The following GLIPR2 variants were observed in gnomAD, a reference collection of about 807,000 sequenced individuals.
GLIPR2 encodes the protein GLI pathogenesis related 2.
GLIPR2 carries 21 observed loss-of-function variants against 20.4 expected under a neutral mutation model. That is an observed-to-expected ratio of 1.03 (90% CI 0.73 to 1.48). GLIPR2 has a LOEUF of 1.48. Ranked by LOEUF, GLIPR2 falls within the 40% of genes most tolerant of loss-of-function variation. The pLI, the probability that GLIPR2 is intolerant of heterozygous loss-of-function variation, is 0.00. For synonymous variants in GLIPR2, 91 were observed against 80.5 expected (o/e 1.13, Z -0.70); for missense variants, 205 against 200.1 (o/e 1.02, Z -0.15).
intron 1 of GLIPR2, among the ~76,000 whole-genome samples, chr9:36,143,811 C>T (rs1458772354): frequency 6.6e-6 from 1 of 152,278 alleles, no homozygotes; most frequent in East Asian, 1.9e-4. Context: ...TGAGGTAGCT[C>T]CTTTTGGTCG....
intron 4 of GLIPR2, chr9:36,162,128 T>C: frequency 1.1e-6 from 1 of 941,062 alleles, no homozygotes; most frequent in Non-Finnish European, 1.5e-6. Context: ...TGAGCCAAGA[T>C]CATGCCACTG....
intron 1 of GLIPR2, among the ~76,000 whole-genome samples, chr9:36,140,178 G>A (rs1049794918): frequency 6.6e-6 from 1 of 152,126 alleles, no homozygotes; most frequent in East Asian, 1.9e-4. Context: ...CTCCCTGCCA[G>A]CCTGAACTCT....
chr9:36,140,900 C>T (rs563556624), intron 1 of GLIPR2, among the ~76,000 whole-genome samples: 80 of 152,190 alleles, frequency 5.3e-4, no homozygotes, highest in African/African-American at 1.9e-3. Flanking sequence ...GAGTGAGAAC[C>T]TCATTCATTT....
At chr9:36,138,382 G>A (rs887242784) in intron 1 of GLIPR2, among the ~76,000 whole-genome samples, 14 of 151,976 alleles carry the variant, frequency 9.2e-5, no homozygotes, top group Non-Finnish European at 1.3e-4. Flanking sequence ...GCGCCACCAC[G>A]CCCAGCTAAC....
rs1426729911 is a variant in GLIPR2 at position 36,136,936 on chromosome 9, G to A, written c.13+145G>A. On this transcript the variant is annotated intron_variant, in intron 1 of 4. Transcript: ENST00000377960. This position sits in a 1 kb window ranked among gnomAD's most constrained non-coding sequence, Gnocchi z 4.3. ...GGAGGGCGCGCGGGCGGAGCGCCCC[G>A]GCGCGGTTTCCGGGGAACCCGGGGG... The A allele has an allele frequency of 6.9e-6, 7 of 1,007,772 alleles. No individual in the cohort carries two copies. The African/African-American group carries it at 8.3e-5, about 12-fold the overall frequency. The allele number at this position is 1,007,772 out of a possible 1,614,324, so 62.4% of individuals were successfully genotyped here.
chr9:36,143,455 G>A (rs1388138654), intron 1 of GLIPR2, among the ~76,000 whole-genome samples: 1 of 152,168 alleles, frequency 6.6e-6, no homozygotes, highest in African/African-American at 2.4e-5. Context: ...GACCCACCGT[G>A]GCCTGTCTGG....
Position 36,150,918 on chromosome 9 carries a change from C to G in GLIPR2, c.273C>G (p.Asn91Lys). 1 of 1,613,928 alleles carries G rather than the reference C, an allele frequency of 6.2e-7. No homozygotes were observed. Among genetic ancestry groups the G allele is most frequent in the Non-Finnish European group, 8.5e-7 (1 of 1,179,824 alleles). ...GGTACAGTGAAATCAAGAACTATAA[C>G]TTCCAGCAGCCTGGCTTCACCTCGG... ...DRWYSEIKNY[N>K]FQQPGFTSGT... Residue 91 changes from asparagine to lysine, a missense_variant, in exon 4 of 5, where the codon AAC (asparagine) becomes AAG (lysine). By Grantham distance (94) the Asn-to-Lys change is moderately conservative. Coordinates refer to ENST00000377960, the MANE Select transcript of GLIPR2 (RefSeq NM_022343.4).
chr9:36,141,942 C>T lies in GLIPR2; in HGVS notation c.13+5151C>T, dbSNP rs557836946. 1.1e-5 allele frequency: 5 copies of T among 450,470 alleles called. No individual in the cohort carries two copies. The East Asian group carries it at 2.8e-4, about 25-fold the overall frequency. The allele number at this position is 450,470 out of a possible 1,614,324, so 27.9% of individuals were successfully genotyped here. A position where few individuals can be genotyped will look rare whatever the true frequency, so the allele number is the denominator to read the frequency against. On this transcript the variant is annotated intron_variant, in intron 1 of 4. Transcript: ENST00000377960. ...CCTAGGACACCTATACCCTCCACCC[C>T]AGCAGAGACAGCCCAGCCCCTTCCC...
chr9:36,151,447 C>A (rs1220778217), intron 4 of GLIPR2, among the ~76,000 whole-genome samples: 1 of 152,092 alleles, frequency 6.6e-6, no homozygotes, highest in East Asian at 1.9e-4. Context: ...CACCCCACAC[C>A]CTTCCCCACC....
At chr9:36,157,535 C>G (rs953897962) in intron 4 of GLIPR2, among the ~76,000 whole-genome samples, 1 of 151,304 alleles carries the variant, frequency 6.6e-6, no homozygotes, top group African/African-American at 2.4e-5. Flanking sequence ...TTAGTAGAGA[C>G]GGGGTTTCAC....
rs1826112543 is a variant in GLIPR2 at position 36,162,756 on chromosome 9, T to G, written c.*234T>G. ...GATGGTTACCTAGACCACGATTATTTGGATTGGGGGGAGGGGGGATCCGTT... is the reference window on the plus strand; with the variant it reads ...GATGGTTACCTAGACCACGATTATTGGGATTGGGGGGAGGGGGGATCCGTT... On this transcript the variant is annotated 3_prime_UTR_variant, in exon 5 of 5. Transcript: ENST00000377960. 7.6e-6 allele frequency: 4 copies of G among 527,372 alleles called. No homozygotes were observed. The highest frequency in any genetic ancestry group is 3.9e-5 in the East Asian group (1 of 25,562). The allele number at this position is 527,372 out of a possible 1,614,324, so 32.7% of individuals were successfully genotyped here.
At chr9:36,159,792 C>A (rs1446664360) in intron 4 of GLIPR2, among the ~76,000 whole-genome samples, 2 of 151,944 alleles carry the variant, frequency 1.3e-5, no homozygotes, top group Non-Finnish European at 2.9e-5. Flanking sequence ...TATGGTGAAA[C>A]CCATCTCTAC....
rs376923254 is a variant in GLIPR2 at position 36,137,193 on chromosome 9, A to G, written c.13+402A>G. Among the ~76,000 whole-genome samples, 4 of 151,548 alleles carry G rather than the reference A, an allele frequency of 2.6e-5. No homozygotes were observed. In the East Asian group the frequency reaches 7.9e-4, roughly 30 times the overall value. ...ACAGCCCTGAGCATCCCCCTCATCC[A>G]TTTGTTGTTCCTTCTCTCCTGAGCG... On this transcript the variant is annotated intron_variant, in intron 1 of 4. Transcript: ENST00000377960.
At position 36,140,789 on chromosome 9, in the gene GLIPR2, C is replaced by A. The variant is rs546738030; in HGVS notation, c.13+3998C>A. 4.0e-4 allele frequency among the ~76,000 whole-genome samples: 61 copies of A among 152,266 alleles called. 1 individual carries two copies. The South Asian group carries it at 0.012, about 30-fold the overall frequency. ...CTTACACCCGGCTCTAATGTGGGCT[C>A]TGTGTGGTCTTGGACAATGCGCATG... is the stretch of plus-strand genomic sequence containing the variant. On this transcript the variant is annotated intron_variant, in intron 1 of 4. Transcript: ENST00000377960.
At chr9:36,157,936 C>G (rs1825909203) in intron 4 of GLIPR2, among the ~76,000 whole-genome samples, 1 of 152,006 alleles carries the variant, frequency 6.6e-6, no homozygotes, top group African/African-American at 2.4e-5. Flanking sequence ...CCTCAGCCTC[C>G]CCAGTAGCTA....
chr9:36,156,942 A>G (rs1192681256), intron 4 of GLIPR2, among the ~76,000 whole-genome samples: 1 of 152,094 alleles, frequency 6.6e-6, no homozygotes, highest in Non-Finnish European at 1.5e-5. Flanking sequence ...GGCTTATTTC[A>G]CTTAGCATCA....
intron 1 of GLIPR2, chr9:36,141,903 C>T (rs779267472): frequency 2.4e-5 from 11 of 455,624 alleles, no homozygotes; most frequent in Non-Finnish European, 4.4e-5. Context: ...CTTCGAGAAC[C>T]CAGTGCAGCC....
intron 3 of GLIPR2, 128 bp downstream of exon 3, chr9:36,148,778 G>A (rs1190528357): frequency 1.5e-5 from 10 of 653,726 alleles, no homozygotes; most frequent in Non-Finnish European, 2.5e-5. Context: ...AGAAAAACCA[G>A]AGCTCTCTGA....
chr9:36,148,570 C>G lies in GLIPR2; in HGVS notation c.146C>G (p.Thr49Arg). 1.9e-6 allele frequency: 3 copies of G among 1,613,898 alleles called. No homozygotes were observed. The highest frequency in any genetic ancestry group is 2.5e-6 in the Non-Finnish European group (3 of 1,179,754). ...AQQYSEALAS[T>R]RILKHSPESS... ...AGGTATTCTGAGGCCCTGGCCAGCA[C>G]GAGGATCCTCAAGCACAGCCCGGAG... Residue 49 changes from threonine to arginine, a missense_variant, in exon 3 of 5, where the codon ACG (threonine) becomes AGG (arginine). By Grantham distance (71) the Thr-to-Arg change is moderately conservative (BLOSUM62 -1). Transcript: ENST00000377960.
Sources: allele counts gnomAD v4.1 joint callset (sites outside exome capture counted in the v4.1 genomes callset), GRCh38; gene constraint gnomAD v4.1.1; non-coding constraint Gnocchi (gnomAD v3.1); transcripts MANE v1.5; gene names NCBI Gene and HGNC (gene_info 2026-07-23, HGNC 2026-07-21).